Variants in MYO1D observed in about 807,000 individuals in gnomAD.
The protein encoded by MYO1D is myosin ID.
In MYO1D, 83 loss-of-function variants were observed where a neutral mutation model predicts 122.0. The observed-to-expected ratio is 0.68, with a 90% CI of 0.57 to 0.82. MYO1D has a LOEUF of 0.82. Among genes scored for constraint, MYO1D ranks in the 40% least tolerant of loss-of-function variants. The pLI, the probability that MYO1D is intolerant of heterozygous loss-of-function variation, is 0.00. For missense variants in MYO1D, 1,157 were observed against 1,269.5 expected (o/e 0.91, Z 1.35); for synonymous variants, 464 against 446.9 (o/e 1.04, Z -0.48).
intron 20 of MYO1D, among the ~76,000 whole-genome samples, chr17:32,608,361 A>G (rs924569595): frequency 9.9e-5 from 15 of 152,228 alleles, no homozygotes; most frequent in African/African-American, 3.6e-4. Context: ...GGGGTGAATA[A>G]GCACATGAAA....
At chr17:32,822,760 C>A (rs1240596804) in intron 1 of MYO1D, among the ~76,000 whole-genome samples, 1 of 151,352 alleles carries the variant, frequency 6.6e-6, no homozygotes, top group South Asian at 2.1e-4. Context: ...GGCGGCGAGG[C>A]CCGGGGCGTC....
chr17:32,531,000 C>T (rs1910493003), intron 21 of MYO1D, among the ~76,000 whole-genome samples: 2 of 151,880 alleles, frequency 1.3e-5, no homozygotes, highest in African/African-American at 2.4e-5. Context: ...GTCCTCACTC[C>T]CTTTGGAGAA....
chr17:32,646,861 A>G (rs148000451), intron 19 of MYO1D, among the ~76,000 whole-genome samples: 60 of 152,366 alleles, frequency 3.9e-4, no homozygotes, highest in Middle Eastern at 3.4e-3. Context: ...TAATTTAGCT[A>G]TATTAAAATG....
chr17:32,760,000 C>T (rs773830646), intron 10 of MYO1D: 2 of 608,402 alleles, frequency 3.3e-6, no homozygotes, highest in Non-Finnish European at 5.9e-6. Context: ...TATGCTAAAC[C>T]TAACAGACAG....
chr17:32,720,237 G>C (rs377605602), intron 15 of MYO1D, among the ~76,000 whole-genome samples: 8 of 152,038 alleles, frequency 5.3e-5, no homozygotes, highest in African/African-American at 1.9e-4. Flanking sequence ...TATATGACAT[G>C]GTATCATTAA....
intron 21 of MYO1D, among the ~76,000 whole-genome samples, chr17:32,573,938 G>GC (rs984448469): frequency 6.6e-6 from 1 of 152,072 alleles, no homozygotes; most frequent in African/African-American, 2.4e-5. Context: ...TGCAGGCTCC[G>GC]CCCCCCAGGG....
At chr17:32,745,171 G>C (rs751337470) in intron 13 of MYO1D, 40 bp downstream of exon 13, 2 of 1,115,294 alleles carry the variant, frequency 1.8e-6, no homozygotes, top group African/African-American at 3.2e-5. Flanking sequence ...ATATGTCAAT[G>C]AGCTTAATCT....
intron 16 of MYO1D, among the ~76,000 whole-genome samples, chr17:32,660,675 C>A (rs192767501): frequency 8.1e-5 from 12 of 147,642 alleles, no homozygotes; most frequent in Admixed American, 6.1e-4. Context: ...ACCTAGAGTT[C>A]ACATATAAAC....
rs550258516 is a variant in MYO1D, at chr17:32,493,892, G to A, written c.*867C>T. On this transcript the variant is annotated 3_prime_UTR_variant, in exon 22 of 22. Coordinates refer to ENST00000318217, the MANE Select transcript of MYO1D (RefSeq NM_015194.3). ...GAGGTGGTCCAGAGGGAAAGCGGCCGACCCTGAGGGCTGCCCTCACCCTGG... is the reference window on the plus strand; with the variant it reads ...GAGGTGGTCCAGAGGGAAAGCGGCCAACCCTGAGGGCTGCCCTCACCCTGG... 18 of 152,364 alleles carry A rather than the reference G, an allele frequency of 1.2e-4. No individual in the cohort carries two copies. Among genetic ancestry groups the A allele is most frequent in the African/African-American group, 3.6e-4 (15 of 41,578 alleles). 9.4% of individuals were successfully genotyped at this position (152,364 alleles called of 1,614,324 possible).
At chr17:32,642,846 G>A (rs1445732948) in intron 19 of MYO1D, among the ~76,000 whole-genome samples, 5 of 152,116 alleles carry the variant, frequency 3.3e-5, no homozygotes, top group Non-Finnish European at 5.9e-5. Context: ...GGGTTTTCTA[G>A]ATATACAATC....
rs144593824 is a variant in MYO1D, at chr17:32,647,919, C to T, written c.2595+5924G>A. Among the ~76,000 whole-genome samples, 410 of 152,152 alleles carry T rather than the reference C, an allele frequency of 2.7e-3. 3 individuals carry two copies. The highest frequency in any genetic ancestry group is 9.3e-3 in the African/African-American group (388 of 41,516). On this transcript the variant is annotated intron_variant, in intron 19 of 21. Transcript: ENST00000318217. ...TGCTCTCTATTTTGTTAAAAAGCCC[C>T]TATCACACTGAGGACTGGGCACGAT... is the stretch of plus-strand genomic sequence containing the variant.
intron 16 of MYO1D, among the ~76,000 whole-genome samples, chr17:32,671,041 G>C (rs909083550): frequency 1.3e-5 from 2 of 152,246 alleles, no homozygotes; most frequent in African/African-American, 2.4e-5. Flanking sequence ...GGCCATGCCT[G>C]TCCCGGAGCT....
chr17:32,509,636 G>A (rs1305785985), intron 21 of MYO1D, among the ~76,000 whole-genome samples: 7 of 151,792 alleles, frequency 4.6e-5, no homozygotes, highest in Non-Finnish European at 1.0e-4. Context: ...CCAGGCTGGA[G>A]TGCAGTGGTG....
At chr17:32,727,525 G>T (rs1481904281) in intron 14 of MYO1D, 2 of 152,192 alleles carry the variant, frequency 1.3e-5, no homozygotes, top group Non-Finnish European at 2.9e-5. Flanking sequence ...TGTCTTACTA[G>T]GTTGCCAGAG....
chr17:32,777,397 CTTT>C (rs2090184669), intron 3 of MYO1D, among the ~76,000 whole-genome samples: 1 of 151,494 alleles, frequency 6.6e-6, no homozygotes, highest in African/African-American at 2.4e-5. Context: ...AGGTGGGACT[CTTT>C]ACTAAATTAG....
intron 1 of MYO1D, among the ~76,000 whole-genome samples, chr17:32,807,188 T>A (rs1030309395): frequency 1.3e-5 from 2 of 152,194 alleles, no homozygotes; most frequent in African/African-American, 4.8e-5. Context: ...TTAATATGTA[T>A]GAATAAAAGG....
chr17:32,561,228 A>C (rs2087122696), intron 21 of MYO1D, among the ~76,000 whole-genome samples: 4 of 152,112 alleles, frequency 2.6e-5, no homozygotes, highest in African/African-American at 9.7e-5. Flanking sequence ...TGAATCTTTC[A>C]AAGAGAGGTA....
chr17:32,506,285 G>T (rs1005059237), intron 21 of MYO1D, among the ~76,000 whole-genome samples: 2 of 152,138 alleles, frequency 1.3e-5, no homozygotes, highest in Admixed American at 6.6e-5. Flanking sequence ...TGACTCATTT[G>T]GGGGGTTAAA....
intron 4 of MYO1D, among the ~76,000 whole-genome samples, chr17:32,773,263 T>TC: frequency 6.6e-6 from 1 of 152,170 alleles, no homozygotes; most frequent in Middle Eastern, 3.4e-3. Flanking sequence ...CCCTTCAATC[T>TC]CCCCCTTCCC....
Sources: allele counts gnomAD v4.1 joint callset (sites outside exome capture counted in the v4.1 genomes callset), GRCh38; gene constraint gnomAD v4.1.1; transcripts MANE v1.5; gene names NCBI Gene and HGNC (gene_info 2026-07-23, HGNC 2026-07-21).